TMTC1: variants seen among roughly 807,000 people sequenced by gnomAD.
The protein encoded by TMTC1 is transmembrane O-mannosyltransferase targeting cadherins 1.
TMTC1 carries 73 observed loss-of-function variants against 104.8 expected under a neutral mutation model. The ratio of observed to expected loss-of-function variants is 0.70; its 90% CI spans 0.58 to 0.85. The LOEUF (loss-of-function observed/expected upper bound fraction) is 0.85, where lower values mean the gene tolerates loss of function less well. Among genes scored for constraint, TMTC1 ranks in the 40% least tolerant of loss-of-function variants. The pLI, the probability that TMTC1 is intolerant of heterozygous loss-of-function variation, is 0.00. For missense variants in TMTC1, 1,035 were observed against 1,096.1 expected, an observed-to-expected ratio of 0.94 and a Z score of 0.79; for synonymous variants, 434 against 428.7, an observed-to-expected ratio of 1.01 and a Z score of -0.15.
chr12:29,632,874 T>C (rs1335655657), intron 6 of TMTC1, among the ~76,000 whole-genome samples: 1 of 152,212 alleles, frequency 6.6e-6, no homozygotes, highest in African/African-American at 2.4e-5. Context: ...TTTATCATTA[T>C]ATTAAGTCAA....
Position 29,503,057 on chromosome 12 carries a change from G to C in TMTC1, c.*3789C>G, listed in dbSNP as rs954779991. 1 of 152,168 alleles carries C rather than the reference G, an allele frequency of 6.6e-6. No homozygotes were observed. The highest frequency in any genetic ancestry group is 1.5e-5 in the Non-Finnish European group (1 of 68,040). 9.4% of individuals were successfully genotyped at this position (152,168 alleles called of 1,614,324 possible). ...GGGTCAGTTTTGATAGGACAGTTTGGATTTTCTCATTTAGTCTGACTGAAA... is the reference window on the plus strand; with the variant it reads ...GGGTCAGTTTTGATAGGACAGTTTGCATTTTCTCATTTAGTCTGACTGAAA... On this transcript the variant is annotated 3_prime_UTR_variant, in exon 18 of 18. Coordinates refer to ENST00000539277, the MANE Select transcript of TMTC1 (RefSeq NM_001193451.2).
At chr12:29,562,916 C>T (rs902618577) in intron 9 of TMTC1, among the ~76,000 whole-genome samples, 1 of 152,160 alleles carries the variant, frequency 6.6e-6, no homozygotes, top group African/African-American at 2.4e-5. Flanking sequence ...AGTTCTCCTT[C>T]CTCACATGGA....
intron 11 of TMTC1, among the ~76,000 whole-genome samples, chr12:29,527,463 A>C (rs1240473873): frequency 2.6e-5 from 4 of 152,216 alleles, no homozygotes. Context: ...CAAGAGTGGC[A>C]TCCACACCTG....
intron 10 of TMTC1, among the ~76,000 whole-genome samples, chr12:29,549,641 G>T (rs1421564404): frequency 6.6e-6 from 1 of 152,092 alleles, no homozygotes; most frequent in Non-Finnish European, 1.5e-5. Context: ...AAGCAAGCAG[G>T]AGTCTACGAA....
intron 16 of TMTC1, 106 bp downstream of exon 16, chr12:29,514,376 A>G: frequency 8.2e-7 from 1 of 1,224,376 alleles, no homozygotes; most frequent in Non-Finnish European, 1.1e-6. Context: ...CCATAAACAT[A>G]CATGCCAGTG....
intron 5 of TMTC1, among the ~76,000 whole-genome samples, chr12:29,740,917 G>C (rs1942808152): frequency 6.6e-6 from 1 of 152,200 alleles, no homozygotes; most frequent in Non-Finnish European, 1.5e-5. Context: ...TTCAACACAT[G>C]TCCTCAAGTG....
chr12:29,539,444 G>A (rs528632360), intron 10 of TMTC1, among the ~76,000 whole-genome samples: 97 of 152,216 alleles, frequency 6.4e-4, no homozygotes, highest in African/African-American at 2.1e-3. Context: ...TGCCGACAAC[G>A]GGAAGAACTT....
At chr12:29,595,086 A>C (rs1592288808) in intron 7 of TMTC1, among the ~76,000 whole-genome samples, 1 of 152,344 alleles carries the variant, frequency 6.6e-6, no homozygotes, top group South Asian at 2.1e-4. Context: ...TATTGTATTC[A>C]GTCTCATCTG....
chr12:29,584,461 C>CT (rs1412587834), intron 7 of TMTC1, among the ~76,000 whole-genome samples: 1 of 151,128 alleles, frequency 6.6e-6, no homozygotes, highest in African/African-American at 2.4e-5. Context: ...TATTATTATA[C>CT]TTTAAGTTTT....
chr12:29,696,446 A>T (rs747613641), intron 5 of TMTC1, among the ~76,000 whole-genome samples: 13 of 152,220 alleles, frequency 8.5e-5, no homozygotes, highest in Non-Finnish European at 1.9e-4. Flanking sequence ...TGAAATAGGA[A>T]CCTAATCAAG....
intron 6 of TMTC1, among the ~76,000 whole-genome samples, chr12:29,628,925 G>T (rs1195079942): frequency 6.6e-6 from 1 of 152,092 alleles, no homozygotes; most frequent in Non-Finnish European, 1.5e-5. Flanking sequence ...GCCTCCCAAA[G>T]TGCTGGGGTT....
chr12:29,695,390 T>A (rs1339406127), intron 5 of TMTC1, among the ~76,000 whole-genome samples: 3 of 152,058 alleles, frequency 2.0e-5, no homozygotes, highest in Non-Finnish European at 4.4e-5. Flanking sequence ...CACTGCAACC[T>A]CCCACTCCCT....
chr12:29,661,465 A>G lies in TMTC1; in HGVS notation c.939-28129T>C, dbSNP rs556361022. On this transcript the variant is annotated intron_variant, in intron 5 of 17. Coordinates refer to ENST00000539277, the MANE Select transcript of TMTC1 (RefSeq NM_001193451.2). ...TGAGACGGAGTTTTGCTCGTCGCCC[A>G]GGCTGGAGTGCAGTGGTGCGATCTC... is the stretch of plus-strand genomic sequence containing the variant. 887 of 326,560 alleles carry G rather than the reference A, an allele frequency of 2.7e-3. 2 individuals carry two copies. The highest frequency in any genetic ancestry group is 3.0e-3 in the Non-Finnish European group (739 of 242,368). 20.2% of individuals were successfully genotyped at this position (326,560 alleles called of 1,614,324 possible).
intron 5 of TMTC1, among the ~76,000 whole-genome samples, chr12:29,681,099 C>CAAAAA (rs71045827): frequency 2.8e-5 from 3 of 107,224 alleles, no homozygotes; most frequent in Admixed American, 9.8e-5. Context: ...ACCCTGTCTC[C>CAAAAA]AAAAAAAAAA....
chr12:29,743,400 A>C (rs972633375), intron 5 of TMTC1, among the ~76,000 whole-genome samples: 5 of 152,214 alleles, frequency 3.3e-5, no homozygotes, highest in African/African-American at 1.2e-4. Flanking sequence ...GATCATGATG[A>C]AAATCACAAT....
chr12:29,745,393 C>T (rs558743174), intron 5 of TMTC1, among the ~76,000 whole-genome samples: 11 of 152,110 alleles, frequency 7.2e-5, no homozygotes, highest in Admixed American at 1.3e-4. Flanking sequence ...GAGGCCAAGG[C>T]GGGCAGATCA....
At chr12:29,609,024 T>C (rs563711708) in intron 6 of TMTC1, among the ~76,000 whole-genome samples, 3 of 152,302 alleles carry the variant, frequency 2.0e-5, no homozygotes, top group Non-Finnish European at 4.4e-5. Context: ...GGCTCCTTCC[T>C]GCCCAATTCA....
Position 29,643,597 on chromosome 12 carries a change from TTATATATTATATATAATATATATC to T in TMTC1, c.939-10285_939-10262del, listed in dbSNP as rs1432060732. Among the ~76,000 whole-genome samples the T allele has an allele frequency of 5.1e-3, 158 of 30,844 alleles. 3 individuals are homozygous for T. Among genetic ancestry groups the T allele is most frequent in the African/African-American group, 0.022 (153 of 6,826 alleles). 20.2% of individuals were successfully genotyped at this position (30,844 alleles called of 152,430 possible). ...AATATATGTCATATATAAATATATA[TTATATATTATATATAATATATATC>T]TATATATTATATATATAATATATAT... On this transcript the variant is annotated intron_variant, in intron 5 of 17. Transcript: ENST00000539277.
chr12:29,653,296 C>T (rs912265206), intron 5 of TMTC1, among the ~76,000 whole-genome samples: 3 of 151,854 alleles, frequency 2.0e-5, no homozygotes, highest in Non-Finnish European at 4.4e-5. Context: ...GGCCAGAAAC[C>T]GTGAGGGCCT....
Sources: allele counts gnomAD v4.1 joint callset (sites outside exome capture counted in the v4.1 genomes callset), GRCh38; gene constraint gnomAD v4.1.1; transcripts MANE v1.5; gene names NCBI Gene and HGNC (gene_info 2026-07-23, HGNC 2026-07-21).